Variants in CTNNA3 observed in about 807,000 individuals in gnomAD.
CTNNA3 encodes the protein catenin alpha-3.
A neutral mutation model predicts 95.7 loss-of-function variants in CTNNA3; 76 were observed. The observed-to-expected ratio is 0.79, with a 90% CI of 0.66 to 0.96. The LOEUF is 0.96. CTNNA3 is among the 40% of genes least tolerant of loss of function. The probability of loss-of-function intolerance (pLI) is 0.00; values close to 1 mark genes in which losing one functional copy is unlikely to be tolerated. For missense variants in CTNNA3, 1,191 were observed against 1,089.8 expected (o/e 1.09, Z -1.31); for synonymous variants, 431 against 374.4 (o/e 1.15, Z -1.74).
At chr10:67,124,333 GGTGTGTGT>G (rs141981196) in intron 7 of CTNNA3, among the ~76,000 whole-genome samples, 1,575 of 141,860 alleles carry the variant, frequency 0.011, 21 homozygotes, top group African/African-American at 0.037. Flanking sequence ...GTGTGTTAGC[GGTGTGTGT>G]GTGTGTGTGT....
upstream of CTNNA3, chr10:67,696,268 G>C (rs1840962550): frequency 6.6e-6 from 1 of 152,126 alleles, no homozygotes. Context: ...ACTTGTTACT[G>C]AAAATACTTC....
At chr10:66,664,901 A>C (rs558652815) in intron 9 of CTNNA3, among the ~76,000 whole-genome samples, 4,241 of 151,822 alleles carry the variant, frequency 0.028, 100 homozygotes, top group South Asian at 0.049. Context: ...AAAAAAAAAA[A>C]AAAAAAAAAC....
At chr10:66,819,500 A>T (rs1842222473) in intron 7 of CTNNA3, among the ~76,000 whole-genome samples, 1 of 152,210 alleles carries the variant, frequency 6.6e-6, no homozygotes, top group African/African-American at 2.4e-5. Context: ...GGACTTCATC[A>T]AAATGAAGCA....
chr10:66,206,247 C>T (rs1226686794), intron 13 of CTNNA3, among the ~76,000 whole-genome samples: 4 of 151,874 alleles, frequency 2.6e-5, no homozygotes, highest in Admixed American at 2.6e-4. Flanking sequence ...GGAAATATAA[C>T]ACCAACTTAG....
At chr10:67,559,803 G>T (rs1841420766) in intron 3 of CTNNA3, among the ~76,000 whole-genome samples, 1 of 152,282 alleles carries the variant, frequency 6.6e-6, no homozygotes, top group South Asian at 2.1e-4. Context: ...GGAGCTAATG[G>T]AGCTGAAAAC....
chr10:67,088,771 C>T (rs1314499233), intron 7 of CTNNA3, among the ~76,000 whole-genome samples: 1 of 151,946 alleles, frequency 6.6e-6, no homozygotes, highest in African/African-American at 2.4e-5. Context: ...TATTTTGTCT[C>T]TCATTATTCT....
At chr10:66,798,898 A>G (rs1186888944) in intron 7 of CTNNA3, among the ~76,000 whole-genome samples, 4 of 151,694 alleles carry the variant, frequency 2.6e-5, no homozygotes, top group African/African-American at 9.7e-5. Flanking sequence ...ATCTGTCATC[A>G]TCTATAGAAC....
At chr10:67,360,726 G>C (rs1842966318) in intron 5 of CTNNA3, among the ~76,000 whole-genome samples, 1 of 151,992 alleles carries the variant, frequency 6.6e-6, no homozygotes, top group Admixed American at 6.6e-5. Context: ...AGCAGAGAGG[G>C]GGAGGTGCTA....
intron 5 of CTNNA3, among the ~76,000 whole-genome samples, chr10:67,236,712 A>G (rs923943062): frequency 1.3e-5 from 2 of 152,064 alleles, no homozygotes; most frequent in African/African-American, 4.8e-5. Flanking sequence ...ACAAATGGCC[A>G]ACAAACATAT....
intron 10 of CTNNA3, among the ~76,000 whole-genome samples, chr10:66,547,421 C>A (rs1842073384): frequency 7.8e-6 from 1 of 128,110 alleles, no homozygotes; most frequent in Non-Finnish European, 1.6e-5. Context: ...TGGCTCACTG[C>A]AAGCTCCACC....
intron 7 of CTNNA3, among the ~76,000 whole-genome samples, chr10:66,779,529 T>A (rs913924861): frequency 6.6e-6 from 1 of 151,936 alleles, no homozygotes; most frequent in Non-Finnish European, 1.5e-5. Flanking sequence ...GCTTATTTTT[T>A]TTTTTGTACT....
intron 6 of CTNNA3, among the ~76,000 whole-genome samples, chr10:67,191,367 C>CA (rs759912362): frequency 2.6e-5 from 4 of 151,814 alleles, no homozygotes; most frequent in Admixed American, 6.6e-5. Context: ...AAGACTCAAC[C>CA]AAAAACCTAT....
rs1171628941 is a variant in CTNNA3 at position 66,664,460 on chromosome 10, CAGAGA to C, written c.1282-42681_1282-42677del. Among the ~76,000 whole-genome samples, 11 of 152,126 alleles carry C rather than the reference CAGAGA, an allele frequency of 7.2e-5. No individual in the cohort carries two copies. In the East Asian group the frequency reaches 1.9e-3, roughly 27 times the overall value. The stretch of plus-strand genomic sequence containing the variant: ...CATGAATATTGGTCCCATCTCCATG[CAGAGA>C]AGAGAAGATCTTGGCCTCTGATCTA... On this transcript the variant is annotated intron_variant, in intron 9 of 17. Coordinates refer to ENST00000433211, the MANE Select transcript of CTNNA3 (RefSeq NM_013266.4).
chr10:67,446,003 C>G (rs1433692355), intron 5 of CTNNA3, among the ~76,000 whole-genome samples: 1 of 152,160 alleles, frequency 6.6e-6, no homozygotes, highest in Non-Finnish European at 1.5e-5. Flanking sequence ...AGTTGACACA[C>G]TGACCTGTTC....
rs114678534 is a variant in CTNNA3 at position 67,192,789 on chromosome 10, T to C, written c.844-12269A>G. On this transcript the variant is annotated intron_variant, in intron 6 of 17. Transcript: ENST00000433211. ...GAATTAAGTAGCTTGAAAAGACATC[T>C]GCACTCCCACATTCATTCCATCATT... is the stretch of plus-strand genomic sequence containing the variant. Among the ~76,000 whole-genome samples the C allele has an allele frequency of 5.1e-3, 777 of 152,028 alleles. 5 individuals are homozygous for C. The highest frequency in any genetic ancestry group is 0.018 in the African/African-American group (727 of 41,526).
chr10:67,465,733 G>A (rs569356392), intron 5 of CTNNA3, among the ~76,000 whole-genome samples: 1 of 152,168 alleles, frequency 6.6e-6, no homozygotes, highest in East Asian at 1.9e-4. Flanking sequence ...ATAAAACACA[G>A]AGGAGACTGT....
intron 1 of CTNNA3, among the ~76,000 whole-genome samples, chr10:67,673,257 T>A (rs1215943657): frequency 6.7e-6 from 1 of 149,186 alleles, no homozygotes; most frequent in African/African-American, 2.5e-5. Context: ...AAGGAGATTT[T>A]GGGCTGAGAC....
At chr10:67,577,468 T>C (rs1564753726) in intron 3 of CTNNA3, among the ~76,000 whole-genome samples, 5 of 152,172 alleles carry the variant, frequency 3.3e-5, no homozygotes, top group South Asian at 2.1e-4. Flanking sequence ...TTCTCCCATT[T>C]TGTAGGTTGC....
intron 15 of CTNNA3, among the ~76,000 whole-genome samples, chr10:65,990,288 T>G (rs905961212): frequency 4.0e-5 from 6 of 151,864 alleles, no homozygotes; most frequent in South Asian, 2.1e-4. Flanking sequence ...ACTTTTAATT[T>G]TTTGAGAAAT....
Sources: gnomAD v4.1 joint callset for allele counts (sites outside exome capture counted in the v4.1 genomes callset) on GRCh38, gnomAD v4.1.1 for gene constraint, MANE v1.5 for transcripts, NCBI Gene and HGNC (gene_info 2026-07-23, HGNC 2026-07-21) for gene names.